Variants in DCAF17 observed in about 807,000 individuals in gnomAD.
DCAF17 encodes DDB1 and CUL4 associated factor 17, also known as DDB1- and CUL4-associated factor 17.
In DCAF17, 48 loss-of-function variants were observed where a neutral mutation model predicts 66.0. The ratio of observed to expected loss-of-function variants is 0.73; its 90% CI spans 0.58 to 0.92. The LOEUF is 0.92. DCAF17 is among the 40% of genes least tolerant of loss of function. The pLI is 0.00. For missense variants in DCAF17, 562 were observed against 622.8 expected (o/e 0.90, Z 1.04); for synonymous variants, 206 against 214.6 (o/e 0.96, Z 0.35).
chr2:171,470,781 G>A (rs1025346785), intron 9 of DCAF17, among the ~76,000 whole-genome samples: 24 of 152,140 alleles, frequency 1.6e-4, no homozygotes, highest in South Asian at 4.1e-4. Context: ...AGAACTGATA[G>A]TACCTATTAT....
At chr2:171,445,675 C>G (rs1271129525) in intron 3 of DCAF17, among the ~76,000 whole-genome samples, 1 of 152,012 alleles carries the variant, frequency 6.6e-6, no homozygotes, top group Non-Finnish European at 1.5e-5. Flanking sequence ...TTTTTTAAAA[C>G]TTAAATTTTT....
rs1696082115 is a variant in DCAF17, at chr2:171,469,000, C to T, written c.951C>T (p.Phe317=). Reference sequence around the variant, plus strand: ...ATAAGAAGAAACAGAAAGGAGTTTTCCATATTTGTGCCCTAAAAGACAATT... The same window carrying T: ...ATAAGAAGAAACAGAAAGGAGTTTTTCATATTTGTGCCCTAAAAGACAATT... ...TPNKKKQKGV[F]HICALKDNSL... Residue 317 remains phenylalanine (F), a synonymous_variant, in exon 9 of 14, where the codon TTC becomes TTT. Transcript: ENST00000375255. 1 of 1,614,044 alleles carries T rather than the reference C, an allele frequency of 6.2e-7. No individual in the cohort carries two copies. Among genetic ancestry groups the T allele is most frequent in the East Asian group, 2.2e-5 (1 of 44,870 alleles).
Position 171,434,349 on chromosome 2 carries a change from A to G in DCAF17, c.-229A>G. 1 of 757,968 alleles carries G rather than the reference A, an allele frequency of 1.3e-6. No homozygotes were observed. The highest frequency in any genetic ancestry group is 2.2e-6 in the Non-Finnish European group (1 of 448,498). The allele number at this position is 757,968 out of a possible 1,614,324, so 47.0% of individuals were successfully genotyped here. A position where few individuals can be genotyped will look rare whatever the true frequency, so the allele number is the denominator to read the frequency against. ...GGCCAGAGAGCCTGGGGCAGATCGA[A>G]AAGGGAGTGCTTCTTCCCTTCTCTC... On this transcript the variant is annotated 5_prime_UTR_variant, in exon 1 of 14. Transcript: ENST00000375255.
Position 171,434,981 on chromosome 2 carries a change from G to A in DCAF17, c.127-102G>A, listed in dbSNP as rs780662008. On this transcript the variant is annotated intron_variant, in intron 1 of 13. Coordinates refer to ENST00000375255, the MANE Select transcript of DCAF17 (RefSeq NM_025000.4). ...GCAGAGTGGAGGAAGGATGCAAAAA[G>A]TTTTAAAATAATATAGGTGACATTA... 3.2e-4 allele frequency: 366 copies of A among 1,140,580 alleles called. 1 individual carries two copies. Among genetic ancestry groups the A allele is most frequent in the Middle Eastern group, 8.7e-4 (3 of 3,464 alleles). The allele number at this position is 1,140,580 out of a possible 1,614,324, so 70.7% of individuals were successfully genotyped here.
In DCAF17 at chr2:171,481,520, A is replaced by C. The variant is rs1374891764; in HGVS notation, c.*406A>C. On this transcript the variant is annotated 3_prime_UTR_variant, in exon 14 of 14. Coordinates refer to ENST00000375255, the MANE Select transcript of DCAF17 (RefSeq NM_025000.4). ...GAAAGACAGGGAGAGACAAAAGTAAACATGCAGAAAGAAATCTTATATCCT... is the reference window on the plus strand; with the variant it reads ...GAAAGACAGGGAGAGACAAAAGTAACCATGCAGAAAGAAATCTTATATCCT... 2.2e-6 allele frequency: 1 copy of C among 455,064 alleles called. No individual in the cohort carries two copies. Among genetic ancestry groups the C allele is most frequent in the Non-Finnish European group, 4.4e-6 (1 of 227,600 alleles). 28.2% of individuals were successfully genotyped at this position (455,064 alleles called of 1,614,324 possible). A position where few individuals can be genotyped will look rare whatever the true frequency, so the allele number is the denominator to read the frequency against.
intron 12 of DCAF17, among the ~76,000 whole-genome samples, chr2:171,478,355 T>G (rs1696596768): frequency 6.6e-6 from 1 of 152,204 alleles, no homozygotes; most frequent in African/African-American, 2.4e-5. Context: ...TTGTTTTGTT[T>G]TGTTGATGTG....
intron 8 of DCAF17, among the ~76,000 whole-genome samples, chr2:171,467,087 T>C (rs923168158): frequency 2.0e-5 from 3 of 152,178 alleles, no homozygotes; most frequent in Non-Finnish European, 4.4e-5. Flanking sequence ...CTGTCTCTTC[T>C]TTTTCCTCAA....
Position 171,462,280 on chromosome 2 carries a change from T to C in DCAF17, c.838+3803T>C, listed in dbSNP as rs1695629877. ...AAAAAATCCCCAGAAATATACAACATAAACCAACTCAAATAACAACAGGAG... is the reference window on the plus strand; with the variant it reads ...AAAAAATCCCCAGAAATATACAACACAAACCAACTCAAATAACAACAGGAG... On this transcript the variant is annotated intron_variant, in intron 8 of 13. Coordinates refer to ENST00000375255, the MANE Select transcript of DCAF17 (RefSeq NM_025000.4). Among the ~76,000 whole-genome samples the C allele has an allele frequency of 3.3e-5, 5 of 152,190 alleles. No homozygotes were observed. In the South Asian group the frequency reaches 1.0e-3, roughly 32 times the overall value.
intron 10 of DCAF17, among the ~76,000 whole-genome samples, chr2:171,476,470 C>T (rs1696501346): frequency 1.3e-5 from 2 of 152,128 alleles, no homozygotes; most frequent in South Asian, 4.1e-4. Context: ...ATATCTCATC[C>T]TACTTCAGAA....
chr2:171,448,827 G>A lies in DCAF17; in HGVS notation c.458+10G>A. 3 of 1,607,140 alleles carry A rather than the reference G, an allele frequency of 1.9e-6. No homozygotes were observed. The highest frequency in any genetic ancestry group is 2.2e-5 in the South Asian group (2 of 90,552). On this transcript the variant is annotated intron_variant, in intron 4 of 13. Transcript: ENST00000375255. ...CTTATTGCAAATTCAGGTATTTACT[G>A]TGAATTTATTATTCAAGATTTTATT...
At chr2:171,438,570 T>A (rs1694101116) in intron 2 of DCAF17, among the ~76,000 whole-genome samples, 1 of 152,250 alleles carries the variant, frequency 6.6e-6, no homozygotes, top group Non-Finnish European at 1.5e-5. Flanking sequence ...TTATGCCTTC[T>A]TGGAGAATTG....
intron 2 of DCAF17, among the ~76,000 whole-genome samples, chr2:171,437,467 A>G (rs1052930013): frequency 6.6e-6 from 1 of 152,226 alleles, no homozygotes; most frequent in African/African-American, 2.4e-5. Flanking sequence ...CCTTATGTCA[A>G]TACCACATTG....
chr2:171,464,267 T>A (rs1462139736), intron 8 of DCAF17, among the ~76,000 whole-genome samples: 2 of 152,218 alleles, frequency 1.3e-5, no homozygotes, highest in Non-Finnish European at 2.9e-5. Flanking sequence ...TGGAAATTGA[T>A]TCTCTCACAG....
chr2:171,448,312 C>T (rs894316395), intron 3 of DCAF17, among the ~76,000 whole-genome samples: 1 of 152,076 alleles, frequency 6.6e-6, no homozygotes, highest in East Asian at 1.9e-4. Context: ...GACTCTTAAT[C>T]GCTATGCTAT....
rs144849696 is a variant in DCAF17 at position 171,454,635 on chromosome 2, A to G, written c.627+1422A>G. ...GAATTGGCCTGGTGCAGTGGCTCAC[A>G]CCTGTAATTTCAGCACTTTGGGAGG... On this transcript the variant is annotated intron_variant, in intron 6 of 13. Transcript: ENST00000375255. 9.1e-3 allele frequency among the ~76,000 whole-genome samples: 1,375 copies of G among 151,916 alleles called. 23 individuals are homozygous for G. The highest frequency in any genetic ancestry group is 0.032 in the African/African-American group (1,307 of 41,434).
At chr2:171,466,727 G>GT (rs74268270) in intron 8 of DCAF17, among the ~76,000 whole-genome samples, 4,897 of 133,536 alleles carry the variant, frequency 0.037, 280 homozygotes, top group African/African-American at 0.12. Context: ...TGTTTGTACT[G>GT]TTTTTTTTTT....
At chr2:171,453,270 CATT>C (rs1255217877) in intron 6 of DCAF17, 57 bp downstream of exon 6, 7 of 1,255,372 alleles carry the variant, frequency 5.6e-6, no homozygotes, top group Middle Eastern at 2.0e-4. Flanking sequence ...GTTGTAATGT[CATT>C]ATTTAATTAT....
At chr2:171,462,284 C>T (rs1447663783) in intron 8 of DCAF17, among the ~76,000 whole-genome samples, 1 of 151,910 alleles carries the variant, frequency 6.6e-6, no homozygotes, top group Non-Finnish European at 1.5e-5. Flanking sequence ...ACAACATAAA[C>T]CAACTCAAAT....
chr2:171,480,562 A>G (rs1441922643), intron 13 of DCAF17, among the ~76,000 whole-genome samples: 3 of 152,230 alleles, frequency 2.0e-5, no homozygotes, highest in Admixed American at 2.0e-4. Context: ...CGGGATTCCC[A>G]GGTACTCTTG....
Sources: gnomAD v4.1 joint callset for allele counts (sites outside exome capture counted in the v4.1 genomes callset) on GRCh38, gnomAD v4.1.1 for gene constraint, MANE v1.5 for transcripts, NCBI Gene and HGNC (gene_info 2026-07-23, HGNC 2026-07-21) for gene names.